The following EPHA10 variants were observed in gnomAD, a reference collection of about 807,000 sequenced individuals.
EPHA10 encodes the protein EPH receptor A10.
A neutral mutation model predicts 109.7 loss-of-function variants in EPHA10; 120 were observed. The observed-to-expected ratio is 1.09, with a 90% CI of 0.94 to 1.27. The LOEUF (loss-of-function observed/expected upper bound fraction) is 1.27. EPHA10 is among the 50% of genes most tolerant of loss of function. The probability of loss-of-function intolerance (pLI) is 0.00; values close to 1 mark genes in which losing one functional copy is unlikely to be tolerated. For missense variants in EPHA10, 1,396 were observed against 1,411.1 expected, an observed-to-expected ratio of 0.99 and a Z score of 0.17; for synonymous variants, 640 against 618.9, an observed-to-expected ratio of 1.03 and a Z score of -0.51.
At chr1:37,727,651 A>G (rs888364085) in intron 7 of EPHA10, among the ~76,000 whole-genome samples, 2 of 152,216 alleles carry the variant, frequency 1.3e-5, no homozygotes, top group South Asian at 2.1e-4. Flanking sequence ...ATGTGCCTAC[A>G]CTATACTGTC....
chr1:37,728,935 G>T (rs919388496), intron 7 of EPHA10, among the ~76,000 whole-genome samples: 65 of 152,288 alleles, frequency 4.3e-4, no homozygotes, highest in African/African-American at 1.5e-3. Context: ...CAGTCTCTGA[G>T]ATGGCATCCC....
At chr1:37,721,885 T>C (rs772471732) in intron 10 of EPHA10, 40 bp from the exon 11 acceptor site, 14 of 1,475,222 alleles carry the variant, frequency 9.5e-6, no homozygotes, top group African/African-American at 1.4e-5. Context: ...CAGAGGCCAC[T>C]GCCCTGGCTG....
chr1:37,721,409 CAG>C (rs1456178723), intron 11 of EPHA10, among the ~76,000 whole-genome samples: 5 of 143,030 alleles, frequency 3.5e-5, no homozygotes, highest in African/African-American at 1.3e-4. Flanking sequence ...GCCTGGGCAA[CAG>C]AGCGAGACTC....
At position 37,718,671 on chromosome 1, in the gene EPHA10, T is replaced by C. The variant is rs201769517; in HGVS notation, c.2902A>G (p.Met968Val). The C allele has an allele frequency of 2.3e-4, 379 of 1,613,176 alleles. No homozygotes were observed. Among genetic ancestry groups the C allele is most frequent in the Admixed American group, 4.2e-4 (25 of 60,030 alleles). The change falls in exon 16 of 17, where the codon ATG becomes GTG. Residue 968 changes from methionine to valine, a missense_variant. Transcript: ENST00000373048. ...GTGCCTTGGACTCACTGGGCAGTCA[T>C]CTCGGCCACGGCCTCCAGGCTCCCA... ...GYGSLEAVAE[M>V]TAQDLVSLGI...
intron 6 of EPHA10, chr1:37,734,770 C>T (rs61482495): frequency 2.7e-6 from 1 of 373,288 alleles, no homozygotes; most frequent in Non-Finnish European, 5.2e-6. Context: ...CTGTGCTACA[C>T]TTTTTTATAT....
At chr1:37,736,537 G>C (rs963442992) in intron 5 of EPHA10, among the ~76,000 whole-genome samples, 2 of 137,586 alleles carry the variant, frequency 1.5e-5, no homozygotes, top group South Asian at 4.6e-4. Context: ...GTGAAACCCC[G>C]TCTCTACTAA....
At chr1:37,742,667 T>C (rs1293424390) in intron 5 of EPHA10, among the ~76,000 whole-genome samples, 8 of 70,438 alleles carry the variant, frequency 1.1e-4, no homozygotes, top group South Asian at 5.5e-4. Flanking sequence ...AGCCCTCTTA[T>C]GTGAGCTAAG....
rs1350749772 is a variant in EPHA10 at position 37,717,153 on chromosome 1, A to T, written c.*1219T>A. ...CCTGCCACCCTACGAAAGCTCTGGC[A>T]TACTGGGCCCCACCATTCCCGGGGG... On this transcript the variant is annotated 3_prime_UTR_variant, in exon 17 of 17. Transcript: ENST00000373048. 4.3e-6 allele frequency: 1 copy of T among 232,508 alleles called. No individual in the cohort carries two copies. Among genetic ancestry groups the T allele is most frequent in the African/African-American group, 2.2e-5 (1 of 45,300 alleles). The allele number at this position is 232,508 out of a possible 1,614,324, so 14.4% of individuals were successfully genotyped here. A position where few individuals can be genotyped will look rare whatever the true frequency, so the allele number is the denominator to read the frequency against.
At position 37,723,144 on chromosome 1, in the gene EPHA10, T is replaced by C. The variant is rs758346778; in HGVS notation, c.1857A>G (p.Thr619=). The C allele has an allele frequency of 4.3e-6, 7 of 1,613,976 alleles. No individual in the cohort carries two copies. Among genetic ancestry groups the C allele is most frequent in the Non-Finnish European group, 5.9e-6 (7 of 1,179,904 alleles). The stretch of plus-strand genomic sequence containing the variant: ...CCCCACAGCTCTGGGGGTCCAGGAA[T>C]GTGCGACGTGTTGGGACTTTGACTG... The part of the protein sequence containing the change: ...YFHFKVPTRR[T]FLDPQSCGDL... The change falls in exon 10 of 17, where the codon ACA becomes ACG. Residue 619 remains threonine, a synonymous_variant. Coordinates refer to ENST00000373048, the MANE Select transcript of EPHA10 (RefSeq NM_001099439.2).
In EPHA10 at chr1:37,754,460, C is replaced by T; in HGVS notation, c.851-90G>A. On this transcript the variant is annotated intron_variant, in intron 3 of 16. Transcript: ENST00000373048. The surrounding 1 kb of genome is among the most constrained non-coding windows in gnomAD (Gnocchi z 4.5). ...TGGTTAGGGCAGCGTTTATCTCCTC[C>T]AATTGCGATAGAAAAACAGTCAGGG... is the stretch of plus-strand genomic sequence containing the variant. 2 of 1,182,978 alleles carry T rather than the reference C, an allele frequency of 1.7e-6. No individual in the cohort carries two copies. Among genetic ancestry groups the T allele is most frequent in the Non-Finnish European group, 2.1e-6 (2 of 937,104 alleles). The allele number at this position is 1,182,978 out of a possible 1,614,324, so 73.3% of individuals were successfully genotyped here.
chr1:37,727,596 A>C (rs1190161218), intron 7 of EPHA10, among the ~76,000 whole-genome samples: 2 of 152,206 alleles, frequency 1.3e-5, no homozygotes, highest in East Asian at 3.8e-4. Flanking sequence ...AATAATAAAA[A>C]GGGCTAACGG....
chr1:37,762,344 T>C (rs606267), intron 2 of EPHA10, among the ~76,000 whole-genome samples: 130,869 of 152,156 alleles, frequency 0.86, 56,400 homozygotes, highest in East Asian at 1. Flanking sequence ...TGCCTGTAGT[T>C]TCCTGACTCT....
chr1:37,734,709 A>G (rs1415893719), intron 6 of EPHA10: 1 of 445,120 alleles, frequency 2.2e-6, no homozygotes, highest in Non-Finnish European at 4.5e-6. Context: ...AATTGGCCAT[A>G]TGGAGTTCAC....
At chr1:37,742,982 T>G (rs12563685) in intron 5 of EPHA10, among the ~76,000 whole-genome samples, 3 of 151,720 alleles carry the variant, frequency 2.0e-5, no homozygotes, top group Admixed American at 6.6e-5. Context: ...AGTGACAGAG[T>G]AAGACCTTGT....
intron 5 of EPHA10, among the ~76,000 whole-genome samples, chr1:37,746,085 CCTTTT>C (rs747355487): frequency 9.5e-4 from 130 of 136,308 alleles, no homozygotes; most frequent in African/African-American, 2.6e-3. Flanking sequence ...GGTGTCTCTC[CCTTTT>C]CTTTTCTTTT....
intron 5 of EPHA10, among the ~76,000 whole-genome samples, chr1:37,751,247 A>AG (rs917900041): frequency 6.0e-5 from 9 of 149,760 alleles, no homozygotes; most frequent in Admixed American, 4.0e-4. Context: ...AAAAAGAAAA[A>AG]AAAAAAAGAA....
intron 3 of EPHA10, chr1:37,760,379 G>C: frequency 9.5e-7 from 1 of 1,053,920 alleles, no homozygotes. Context: ...TGAGAGGTCT[G>C]TTCCTAATGC....
At chr1:37,751,845 C>T (rs1196230088) in intron 5 of EPHA10, among the ~76,000 whole-genome samples, 1 of 151,788 alleles carries the variant, frequency 6.6e-6, no homozygotes, top group African/African-American at 2.4e-5. Context: ...TGCACTCCAG[C>T]CTGGTGACAG....
chr1:37,718,550 C>T (rs936858894), intron 16 of EPHA10, 64 bp from the exon 17 acceptor site: 3 of 1,610,894 alleles, frequency 1.9e-6, no homozygotes, highest in Non-Finnish European at 2.5e-6. Flanking sequence ...CCATGAAGGC[C>T]CTCCACTCTC....
Sources: gnomAD v4.1 joint callset for allele counts (sites outside exome capture counted in the v4.1 genomes callset) on GRCh38, gnomAD v4.1.1 for gene constraint, Gnocchi (gnomAD v3.1) non-coding constraint, MANE v1.5 for transcripts, NCBI Gene and HGNC (gene_info 2026-07-23, HGNC 2026-07-21) for gene names.